The following ZNF362 variants were observed in gnomAD, a reference collection of about 807,000 sequenced individuals.
ZNF362 encodes zinc finger protein 362, also known as rotund homolog.
ZNF362 carries 11 observed loss-of-function variants against 42.9 expected under a neutral mutation model. The observed-to-expected ratio is 0.26, with a 90% confidence interval of 0.16 to 0.42. The LOEUF (loss-of-function observed/expected upper bound fraction) is 0.42. Among genes scored for constraint, ZNF362 ranks in the 20% least tolerant of loss-of-function variants. The probability of loss-of-function intolerance (pLI) is 1.00; values close to 1 mark genes in which losing one functional copy is unlikely to be tolerated. For synonymous variants in ZNF362, 255 were observed against 257.3 expected (o/e 0.99, Z 0.09); for missense variants, 362 against 576.2 (o/e 0.63, Z 3.81).
chr1:33,189,653 A>G, the ZNF362 span, among the ~76,000 whole-genome samples: 20 of 14,942 alleles, frequency 1.3e-3, no homozygotes, highest in Admixed American at 2.8e-3. Context: ...ATATATATAT[A>G]TATATATATA....
the ZNF362 span, among the ~76,000 whole-genome samples, chr1:33,183,925 A>G: frequency 3.9e-5 from 6 of 152,180 alleles, no homozygotes; most frequent in African/African-American, 1.4e-4. Flanking sequence ...ACAGTAGTGC[A>G]TTGTCACTTT....
At chr1:33,236,117 C>T in the ZNF362 span, among the ~76,000 whole-genome samples, 6 of 152,134 alleles carry the variant, frequency 3.9e-5, no homozygotes, top group African/African-American at 7.2e-5. Context: ...ATTTATAGGA[C>T]GGGCTCATAG....
the ZNF362 span, among the ~76,000 whole-genome samples, chr1:33,134,646 G>A: frequency 6.6e-6 from 1 of 152,330 alleles, no homozygotes; most frequent in Middle Eastern, 3.4e-3. Context: ...CACCAGACAT[G>A]TTTACGCAGG....
At chr1:33,239,450 T>C in the ZNF362 span, among the ~76,000 whole-genome samples, 1 of 152,168 alleles carries the variant, frequency 6.6e-6, no homozygotes, top group Admixed American at 6.5e-5. Context: ...AGTGTATTAG[T>C]CCGTTCTCAC....
the ZNF362 span, among the ~76,000 whole-genome samples, chr1:33,232,710 C>T: frequency 6.6e-6 from 1 of 152,324 alleles, no homozygotes; most frequent in South Asian, 2.1e-4. Flanking sequence ...AATTTCCAAA[C>T]CCCAGAACTT....
chr1:33,183,963 C>A, the ZNF362 span, among the ~76,000 whole-genome samples: 2 of 151,538 alleles, frequency 1.3e-5, no homozygotes, highest in Non-Finnish European at 2.9e-5. Flanking sequence ...AACTGATATA[C>A]TGACGTGCAC....
chr1:33,219,062 A>G, the ZNF362 span, among the ~76,000 whole-genome samples: 1 of 151,948 alleles, frequency 6.6e-6, no homozygotes, highest in Admixed American at 6.6e-5. Flanking sequence ...TAAGGGCCCC[A>G]AACACAAATT....
chr1:33,238,897 TGCAGGTGCCTCGATCCTGGAC>T, the ZNF362 span, among the ~76,000 whole-genome samples: 3 of 152,138 alleles, frequency 2.0e-5, no homozygotes, highest in Admixed American at 2.0e-4. Context: ...AACCGGACCA[TGCAGGTGCCTCGATCCTGGAC>T]TTCCAGCCTC....
At position 33,281,149 on chromosome 1, in the gene ZNF362, C is replaced by T. The variant is rs768115205; in HGVS notation, c.684-438C>T. Among the ~76,000 whole-genome samples the T allele has an allele frequency of 1.3e-5, 2 of 152,166 alleles. No individual in the cohort carries two copies. Among genetic ancestry groups the T allele is most frequent in the Non-Finnish European group, 2.9e-5 (2 of 68,020 alleles). ...GAAAATGCGGATGCCAGGGCTGCATCTCCAGGAATTCTGAGTTAATTTTCT... is the reference window on the plus strand; with the variant it reads ...GAAAATGCGGATGCCAGGGCTGCATTTCCAGGAATTCTGAGTTAATTTTCT... On this transcript the variant is annotated intron_variant, in intron 5 of 8. Transcript: ENST00000539719. The surrounding 1 kb of genome is among the most constrained non-coding windows in gnomAD (Gnocchi z 4.8).
chr1:33,277,556 C>G (rs1043776097), intron 4 of ZNF362, among the ~76,000 whole-genome samples: 1 of 152,104 alleles, frequency 6.6e-6, no homozygotes. Flanking sequence ...TAGGTGGAGA[C>G]CCGGTTGTCA....
the ZNF362 span, among the ~76,000 whole-genome samples, chr1:33,179,034 T>C: frequency 6.6e-6 from 1 of 152,244 alleles, no homozygotes; most frequent in Admixed American, 6.5e-5. Flanking sequence ...GCTCTCTCAC[T>C]GTCTGGAAGT....
chr1:33,139,059 A>G, the ZNF362 span, among the ~76,000 whole-genome samples: 12 of 152,246 alleles, frequency 7.9e-5, no homozygotes, highest in African/African-American at 2.7e-4. Flanking sequence ...CTGGGGAAGA[A>G]GGAGAATGAG....
chr1:33,151,336 A>G, the ZNF362 span, among the ~76,000 whole-genome samples: 1 of 151,854 alleles, frequency 6.6e-6, no homozygotes, highest in Non-Finnish European at 1.5e-5. Context: ...GTGTGGCCTG[A>G]CTCTTAGGAG....
the ZNF362 span, among the ~76,000 whole-genome samples, chr1:33,157,897 C>T: frequency 6.6e-6 from 1 of 152,100 alleles, no homozygotes; most frequent in Non-Finnish European, 1.5e-5. Flanking sequence ...GCTGGGATTA[C>T]AGGTGCACGC....
intron 1 of ZNF362, among the ~76,000 whole-genome samples, chr1:33,264,168 G>A (rs1645848079): frequency 6.6e-6 from 1 of 152,202 alleles, no homozygotes; most frequent in African/African-American, 2.4e-5. Context: ...TGTCTAGAAA[G>A]CTCCTGGGGG....
the ZNF362 span, chr1:33,180,889 C>T: frequency 1.6e-6 from 1 of 607,754 alleles, no homozygotes; most frequent in South Asian, 2.0e-5. Context: ...CTGATAGGGC[C>T]CTGACCTTGC....
the ZNF362 span, chr1:33,195,157 G>T: frequency 2.0e-5 from 3 of 152,146 alleles, no homozygotes; most frequent in Non-Finnish European, 2.9e-5. Context: ...GAAGTGATCA[G>T]AAAAACAAAT....
At chr1:33,143,457 G>A in the ZNF362 span, among the ~76,000 whole-genome samples, 1 of 152,148 alleles carries the variant, frequency 6.6e-6, no homozygotes, top group Non-Finnish European at 1.5e-5. Context: ...GAGGATGGGG[G>A]AGGGCTTGGG....
the ZNF362 span, among the ~76,000 whole-genome samples, chr1:33,223,808 G>A: frequency 2.0e-5 from 3 of 151,464 alleles, no homozygotes; most frequent in East Asian, 1.9e-4. Context: ...TGGGAGAATC[G>A]CTTGAACCAG....
Sources: gnomAD v4.1 joint callset for allele counts (sites outside exome capture counted in the v4.1 genomes callset) on GRCh38, gnomAD v4.1.1 for gene constraint, Gnocchi (gnomAD v3.1) non-coding constraint, MANE v1.5 for transcripts, NCBI Gene and HGNC (gene_info 2026-07-23, HGNC 2026-07-21) for gene names.